Variants in STK24 observed in about 807,000 individuals in gnomAD.
The protein encoded by STK24 is serine/threonine-protein kinase 24.
Under a neutral mutation model 55.6 loss-of-function variants are expected in STK24, and 21 were observed. That is an observed-to-expected ratio of 0.38 (90% CI 0.27 to 0.54). The LOEUF (loss-of-function observed/expected upper bound fraction) is 0.54, where lower values mean the gene tolerates loss of function less well. STK24 is among the 20% of genes least tolerant of loss of function. STK24 has a pLI of 0.79. For missense variants in STK24, 383 were observed against 538.4 expected (o/e 0.71, Z 2.86); for synonymous variants, 200 against 215.2 (o/e 0.93, Z 0.62).
chr13:98,570,315 A>T (rs548835297), intron 1 of STK24, among the ~76,000 whole-genome samples: 62 of 152,304 alleles, frequency 4.1e-4, no homozygotes, highest in Non-Finnish European at 7.9e-4. Context: ...CAACCTTACA[A>T]AACTACCCAT....
intron 1 of STK24, among the ~76,000 whole-genome samples, chr13:98,538,756 G>C (rs140605325): frequency 5.3e-5 from 8 of 152,226 alleles, no homozygotes; most frequent in African/African-American, 1.9e-4. Flanking sequence ...GGAGCTTCCA[G>C]AGCAGCCCAC....
At chr13:98,508,195 T>G (rs1470193355) in intron 2 of STK24, among the ~76,000 whole-genome samples, 1 of 152,118 alleles carries the variant, frequency 6.6e-6, no homozygotes, top group Non-Finnish European at 1.5e-5. Flanking sequence ...TTGTAACCTA[T>G]GAGAAGCTGA....
intron 1 of STK24, among the ~76,000 whole-genome samples, chr13:98,565,917 A>C (rs1897555730): frequency 6.6e-6 from 1 of 152,236 alleles, no homozygotes; most frequent in Non-Finnish European, 1.5e-5. Flanking sequence ...CCCGATCAGG[A>C]GGAGTGCACA....
chr13:98,475,103 T>C (rs1894314271), intron 4 of STK24, 125 bp from the exon 5 acceptor site: 4 of 1,429,748 alleles, frequency 2.8e-6, no homozygotes, highest in Admixed American at 5.2e-5. Context: ...GCTACACTTT[T>C]TGTCAGACCC....
chr13:98,571,858 G>T (rs1427647756), intron 1 of STK24, among the ~76,000 whole-genome samples: 1 of 152,100 alleles, frequency 6.6e-6, no homozygotes, highest in African/African-American at 2.4e-5. Flanking sequence ...CTCCCCACTC[G>T]CATCCCTGGG....
At chr13:98,492,831 T>C (rs1173249115) in intron 2 of STK24, among the ~76,000 whole-genome samples, 1 of 152,198 alleles carries the variant, frequency 6.6e-6, no homozygotes, top group Non-Finnish European at 1.5e-5. Flanking sequence ...CAGATTAAGA[T>C]GCCTGCACAT....
In STK24 at chr13:98,446,972, G is replaced by A. The variant is rs113030683; in HGVS notation, c.*6201C>T. The A allele has an allele frequency of 1.4e-5, 10 of 732,690 alleles. No homozygotes were observed. The highest frequency in any genetic ancestry group is 2.6e-5 in the Admixed American group (1 of 37,990). The allele number at this position is 732,690 out of a possible 1,614,324, so 45.4% of individuals were successfully genotyped here. ...GTCCCACTGCCCGACACCAGCAGGC[G>A]ATTCTGTTCTCATGGCAGAAAGTGG... On this transcript the variant is annotated 3_prime_UTR_variant, in exon 11 of 11. Coordinates refer to ENST00000539966, the MANE Select transcript of STK24 (RefSeq NM_001032296.4).
chr13:98,480,946 C>A (rs576870497), intron 3 of STK24, among the ~76,000 whole-genome samples: 11 of 152,248 alleles, frequency 7.2e-5, no homozygotes, highest in African/African-American at 2.4e-4. Flanking sequence ...CCCGTGTAGA[C>A]TATGCTAAAG....
intron 1 of STK24, among the ~76,000 whole-genome samples, chr13:98,570,851 T>C (rs1897720113): frequency 6.6e-6 from 1 of 152,196 alleles, no homozygotes; most frequent in African/African-American, 2.4e-5. Flanking sequence ...ACATGAATTA[T>C]GGGAAATGAC....
At chr13:98,570,914 T>C (rs950320428) in intron 1 of STK24, among the ~76,000 whole-genome samples, 8 of 152,200 alleles carry the variant, frequency 5.3e-5, no homozygotes, top group African/African-American at 1.9e-4. Context: ...GAGACATGGA[T>C]AATAGAGTGC....
intron 5 of STK24, among the ~76,000 whole-genome samples, chr13:98,467,291 C>G (rs1337106735): frequency 6.6e-6 from 1 of 152,198 alleles, no homozygotes; most frequent in African/African-American, 2.4e-5. Flanking sequence ...AATCAGTCAT[C>G]ATGACATTTT....
intron 1 of STK24, 117 bp from the exon 2 acceptor site, chr13:98,519,590 T>C (rs962118320): frequency 7.3e-6 from 6 of 827,014 alleles, no homozygotes; most frequent in African/African-American, 3.4e-5. Context: ...TCATCTATTT[T>C]CTGTGTCCAG....
chr13:98,572,782 G>A (rs1897776377), intron 1 of STK24, among the ~76,000 whole-genome samples: 2 of 152,328 alleles, frequency 1.3e-5, no homozygotes, highest in South Asian at 4.1e-4. Flanking sequence ...ATGAAACTAT[G>A]TTAAACTTAC....
chr13:98,516,375 T>C (rs1896058526), intron 2 of STK24, among the ~76,000 whole-genome samples: 1 of 152,320 alleles, frequency 6.6e-6, no homozygotes, highest in South Asian at 2.1e-4. Context: ...TATCAACACT[T>C]TTCAACCTGC....
At chr13:98,514,978 C>A (rs376283993) in intron 2 of STK24, among the ~76,000 whole-genome samples, 1 of 151,864 alleles carries the variant, frequency 6.6e-6, no homozygotes, top group Non-Finnish European at 1.5e-5. Flanking sequence ...AAATCAGCAG[C>A]CCAAACAGCG....
intron 10 of STK24, 72 bp downstream of exon 10, chr13:98,457,096 A>C (rs1893493133): frequency 1.3e-6 from 2 of 1,555,694 alleles, no homozygotes; most frequent in Admixed American, 3.7e-5. Flanking sequence ...TCAAGTACCA[A>C]ACTCATCAAC....
chr13:98,521,088 C>T (rs1365960470), intron 1 of STK24, among the ~76,000 whole-genome samples: 1 of 152,306 alleles, frequency 6.6e-6, no homozygotes, highest in East Asian at 1.9e-4. Flanking sequence ...AAGGTCATGG[C>T]CAGCGTAATC....
intron 3 of STK24, among the ~76,000 whole-genome samples, chr13:98,478,797 CTCTGGCAACACTGGCTGA>C (rs56090702): frequency 0.18 from 27,105 of 152,162 alleles, 2,479 homozygotes; most frequent in Middle Eastern, 0.22. Context: ...CCCTCGGATT[CTCTGGCAACACTGGCTGA>C]TCTTTTAATC....
intron 1 of STK24, among the ~76,000 whole-genome samples, chr13:98,530,024 G>A (rs769695093): frequency 2.0e-5 from 3 of 152,116 alleles, no homozygotes; most frequent in Non-Finnish European, 2.9e-5. Context: ...TAGACAAAAG[G>A]CCAATTGCAG....
Sources: allele counts gnomAD v4.1 joint callset (sites outside exome capture counted in the v4.1 genomes callset), GRCh38; gene constraint gnomAD v4.1.1; transcripts MANE v1.5; gene names NCBI Gene and HGNC (gene_info 2026-07-23, HGNC 2026-07-21).